Variants in PRKD3 observed in about 807,000 individuals in gnomAD.
The protein encoded by PRKD3 is serine/threonine-protein kinase D3.
PRKD3 carries 47 observed loss-of-function variants against 99.2 expected under a neutral mutation model. The ratio of observed to expected loss-of-function variants is 0.47; its 90% CI spans 0.38 to 0.60. The LOEUF is 0.60. Among genes scored for constraint, PRKD3 ranks in the 20% least tolerant of loss-of-function variants. PRKD3 has a pLI of 0.00. For missense variants in PRKD3, 1,019 were observed against 1,088.4 expected (o/e 0.94, Z 0.90); for synonymous variants, 392 against 355.4 (o/e 1.10, Z -1.16).
At chr2:37,307,555 A>C (rs996221626) in intron 2 of PRKD3, among the ~76,000 whole-genome samples, 1 of 152,228 alleles carries the variant, frequency 6.6e-6, no homozygotes, top group Non-Finnish European at 1.5e-5. Flanking sequence ...CTGTATTTCC[A>C]GTATCATGTT....
chr2:37,294,723 T>C (rs999720934), intron 2 of PRKD3, among the ~76,000 whole-genome samples: 2 of 152,186 alleles, frequency 1.3e-5, no homozygotes, highest in African/African-American at 2.4e-5. Flanking sequence ...GAATAAAATA[T>C]CTTCATAACC....
At chr2:37,294,711 G>C (rs1396008508) in intron 2 of PRKD3, among the ~76,000 whole-genome samples, 3 of 151,898 alleles carry the variant, frequency 2.0e-5, no homozygotes, top group African/African-American at 7.3e-5. Flanking sequence ...TATTCAGTTG[G>C]AGAATAAAAT....
chr2:37,302,592 C>A (rs751266103), intron 2 of PRKD3, among the ~76,000 whole-genome samples: 2 of 152,214 alleles, frequency 1.3e-5, no homozygotes, highest in Non-Finnish European at 2.9e-5. Flanking sequence ...CGTTAAAATG[C>A]TGTCAGTAAA....
rs990650384 is a variant in PRKD3 at position 37,319,282 on chromosome 2, G to A, written c.-655-2103C>T. ...CAAGAATGTTACTGGAGTGTGGGTT[G>A]GATGTTAGTGTAGTTAAGTTTGCTG... On this transcript the variant is annotated intron_variant, in intron 1 of 18. Transcript: ENST00000234179. 2.6e-5 allele frequency among the ~76,000 whole-genome samples: 4 copies of A among 152,140 alleles called. No individual in the cohort carries two copies. The East Asian group carries it at 7.7e-4, about 29-fold the overall frequency.
intron 2 of PRKD3, among the ~76,000 whole-genome samples, chr2:37,299,170 C>G (rs1170995371): frequency 6.6e-6 from 1 of 151,982 alleles, no homozygotes; most frequent in Non-Finnish European, 1.5e-5. Context: ...GTTTTTTTGG[C>G]ATCTATTGAG....
At chr2:37,295,076 CACAAACAA>C (rs1003528194) in intron 2 of PRKD3, among the ~76,000 whole-genome samples, 2 of 152,044 alleles carry the variant, frequency 1.3e-5, no homozygotes, top group Non-Finnish European at 2.9e-5. Flanking sequence ...GAGGCTCCGT[CACAAACAA>C]ACAAACAAAC....
rs182123528 is a variant in PRKD3, at chr2:37,324,296, G to C, written c.-656+385C>G. On this transcript the variant is annotated intron_variant, in intron 1 of 18. Coordinates refer to ENST00000234179, the MANE Select transcript of PRKD3 (RefSeq NM_005813.6). Reference sequence around the variant, plus strand: ...GCCGCGGGTCTGGCTTCGGGAACTAGTTTGGGAGACCCGGGAACGGATCGC... The same window carrying C: ...GCCGCGGGTCTGGCTTCGGGAACTACTTTGGGAGACCCGGGAACGGATCGC... 7,050 of 878,894 alleles carry C rather than the reference G, an allele frequency of 8.0e-3. 41 individuals carry two copies. The highest frequency in any genetic ancestry group is 0.013 in the Middle Eastern group (22 of 1,720). The allele number at this position is 878,894 out of a possible 1,614,324, so 54.4% of individuals were successfully genotyped here.
intron 7 of PRKD3, chr2:37,282,264 A>C (rs1669888510): frequency 2.8e-6 from 1 of 362,378 alleles, no homozygotes; most frequent in East Asian, 4.7e-5. Context: ...CAGGGTTTTA[A>C]AACAAGTTCT....
chr2:37,299,160 G>GA (rs1553376221), intron 2 of PRKD3, among the ~76,000 whole-genome samples: 2 of 151,698 alleles, frequency 1.3e-5, no homozygotes, highest in Non-Finnish European at 2.9e-5. Context: ...TTTACTGAAT[G>GA]TTTTTTTGGC....
chr2:37,305,766 T>C (rs1032017669), intron 2 of PRKD3, among the ~76,000 whole-genome samples: 2 of 152,256 alleles, frequency 1.3e-5, no homozygotes, highest in African/African-American at 2.4e-5. Context: ...TTTGGGACTT[T>C]AAGATCACTA....
At chr2:37,291,118 T>G (rs571312968) in intron 3 of PRKD3, 119 bp from the exon 4 acceptor site, 2 of 928,178 alleles carry the variant, frequency 2.2e-6, no homozygotes, top group African/African-American at 1.7e-5. Context: ...AAAGTTGCAC[T>G]GGACCATAAA....
intron 4 of PRKD3, among the ~76,000 whole-genome samples, chr2:37,290,425 G>T (rs1261425168): frequency 1.3e-5 from 2 of 152,064 alleles, no homozygotes; most frequent in African/African-American, 4.8e-5. Context: ...GTAGAGACAG[G>T]GTTTCGCCAT....
At chr2:37,309,899 T>C (rs1378622843) in intron 2 of PRKD3, among the ~76,000 whole-genome samples, 2 of 148,948 alleles carry the variant, frequency 1.3e-5, no homozygotes, top group South Asian at 2.1e-4. Flanking sequence ...GAATATATTA[T>C]ACCAAAATAT....
At chr2:37,275,931 A>G (rs1481669273) in intron 9 of PRKD3, 87 bp from the exon 10 acceptor site, 1 of 1,445,872 alleles carries the variant, frequency 6.9e-7, no homozygotes, top group African/African-American at 1.5e-5. Flanking sequence ...ATTTACATTC[A>G]TAAATTTGTA....
At position 37,279,827 on chromosome 2, in the gene PRKD3, G is replaced by A; in HGVS notation, c.1091C>T (p.Ser364Leu). 6.2e-7 allele frequency: 1 copy of A among 1,613,846 alleles called. No homozygotes were observed. The highest frequency in any genetic ancestry group is 8.5e-7 in the Non-Finnish European group (1 of 1,179,886). The change falls in exon 8 of 19, where the codon TCA (serine) becomes TTA (leucine). Residue 364 changes from serine (S) to leucine (L), a missense_variant. Physicochemically the swap from Ser to Leu is moderately radical, Grantham distance 145. Transcript: ENST00000234179. ...SRGLDDTEEP[S>L]PPEDKMFFLD... ...GAAGAACATCTTATCTTCTGGGGGT[G>A]ATGGCTCTTCTGTGTCATCCAAACC...
intron 2 of PRKD3, among the ~76,000 whole-genome samples, chr2:37,304,184 A>G (rs1197879151): frequency 2.7e-5 from 4 of 150,576 alleles, no homozygotes; most frequent in Non-Finnish European, 5.9e-5. Context: ...TTTGTACTTA[A>G]CAGGTACTTA....
chr2:37,283,900 CAAAAA>C (rs397872003), intron 6 of PRKD3, among the ~76,000 whole-genome samples: 2 of 89,684 alleles, frequency 2.2e-5, no homozygotes, highest in Admixed American at 1.1e-4. Flanking sequence ...GACTCTGTCT[CAAAAA>C]AAAAAAAAAA....
At chr2:37,289,242 T>G in intron 5 of PRKD3, 114 bp downstream of exon 5, 1 of 1,248,226 alleles carries the variant, frequency 8.0e-7, no homozygotes, top group Non-Finnish European at 1.1e-6. Context: ...TTCTTAAGTG[T>G]AGGAACATTA....
chr2:37,256,659 T>TTA lies in PRKD3; in HGVS notation c.2413+2_2413+3insTA. Reference sequence around the variant, plus strand: ...TTTTTTTTTTTTTTTTTTTTTTTTTTACCTTCACCAGAAATTTCTCTCCAT... The same window carrying TTA: ...TTTTTTTTTTTTTTTTTTTTTTTTTTTAACCTTCACCAGAAATTTCTCTCCAT... On this transcript the variant is annotated splice_region_variant and intron_variant, in intron 17 of 18. Transcript: ENST00000234179. 1 of 1,169,794 alleles carries TTA rather than the reference T, an allele frequency of 8.5e-7. No individual in the cohort carries two copies. Among genetic ancestry groups the TTA allele is most frequent in the Non-Finnish European group, 1.1e-6 (1 of 884,896 alleles). 72.5% of individuals were successfully genotyped at this position (1,169,794 alleles called of 1,614,324 possible).
Sources: gnomAD v4.1 joint callset for allele counts (sites outside exome capture counted in the v4.1 genomes callset) on GRCh38, gnomAD v4.1.1 for gene constraint, MANE v1.5 for transcripts, NCBI Gene and HGNC (gene_info 2026-07-23, HGNC 2026-07-21) for gene names.